Variants in SEMA5B observed in about 807,000 individuals in gnomAD.
SEMA5B encodes semaphorin-5B.
In SEMA5B, 66 loss-of-function variants were observed where a neutral mutation model predicts 135.0. That is an observed-to-expected ratio of 0.49 (90% CI 0.40 to 0.60). The LOEUF is 0.60. Ranked by LOEUF, SEMA5B falls within the 20% of genes least tolerant of loss-of-function variation. The pLI is 0.00. For missense variants in SEMA5B, 1,501 were observed against 1,566.3 expected (o/e 0.96, Z 0.70); for synonymous variants, 690 against 639.5 (o/e 1.08, Z -1.19).
At chr3:123,012,000 C>T (rs1942446926) in intron 1 of SEMA5B, among the ~76,000 whole-genome samples, 1 of 152,216 alleles carries the variant, frequency 6.6e-6, no homozygotes, top group South Asian at 2.1e-4. Context: ...CTCTGTCTGG[C>T]ACTGTGCTCC....
chr3:122,984,651 G>T (rs896303293), intron 1 of SEMA5B, among the ~76,000 whole-genome samples: 1 of 152,036 alleles, frequency 6.6e-6, no homozygotes, highest in Non-Finnish European at 1.5e-5. Context: ...TAATGGGTAC[G>T]CTAGAAGCCC....
chr3:123,021,349 G>A (rs920038322), intron 1 of SEMA5B, among the ~76,000 whole-genome samples: 23 of 152,330 alleles, frequency 1.5e-4, no homozygotes, highest in Admixed American at 5.2e-4. Context: ...TCCCCCAGGC[G>A]CCTTGAGGGA....
At position 122,928,469 on chromosome 3, in the gene SEMA5B, C is replaced by A. The variant is rs747277386; in HGVS notation, c.636+48G>T. 1.3e-5 allele frequency: 19 copies of A among 1,445,536 alleles called. No homozygotes were observed. The African/African-American group carries it at 2.1e-4, about 16-fold the overall frequency. 89.5% of individuals were successfully genotyped at this position (1,445,536 alleles called of 1,614,324 possible). ...AAGGCTGTGTGCCTAGGCAGGAGAA[C>A]CCCCGGCATGGTGCCCCCTTCAGTC... is the stretch of plus-strand genomic sequence containing the variant. On this transcript the variant is annotated intron_variant, in intron 7 of 22. Coordinates refer to ENST00000357599, the MANE Select transcript of SEMA5B (RefSeq NM_001031702.4).
chr3:122,927,290 C>T (rs1015035157), intron 8 of SEMA5B, among the ~76,000 whole-genome samples: 1 of 152,182 alleles, frequency 6.6e-6, no homozygotes, highest in Admixed American at 6.5e-5. Flanking sequence ...AGGCTCAGGG[C>T]ATCCTATCAC....
intron 7 of SEMA5B, 31 bp downstream of exon 7, chr3:122,928,486 C>G: frequency 1.3e-6 from 2 of 1,512,234 alleles, no homozygotes; most frequent in East Asian, 4.9e-5. Flanking sequence ...CATGGTGCCC[C>G]CTTCAGTCTC....
Position 122,922,454 on chromosome 3 carries a change from C to G in SEMA5B, c.1273-7G>C. ...TCTCAGGCAGGGTGCCACACTGCCG[C>G]GGGGAGCCAGGTCACGCGCGCCCCG... On this transcript the variant is annotated splice_polypyrimidine_tract_variant and splice_region_variant and intron_variant, in intron 10 of 22. Transcript: ENST00000357599. 6.3e-7 allele frequency: 1 copy of G among 1,586,042 alleles called. No individual in the cohort carries two copies. Among genetic ancestry groups the G allele is most frequent in the Non-Finnish European group, 8.6e-7 (1 of 1,167,130 alleles).
rs374288167 is a variant in SEMA5B at position 123,013,976 on chromosome 3, G to T, written c.-39+13488C>A. On this transcript the variant is annotated intron_variant, in intron 1 of 22. Transcript: ENST00000357599. ...AAGGAAACGGTGAGAGGAGCTTTGG[G>T]CACAGGAGGGCCAAGCCGGAGGCTG... 5.8e-4 allele frequency among the ~76,000 whole-genome samples: 89 copies of T among 152,334 alleles called. 1 individual carries two copies. The East Asian group carries it at 0.014, about 23-fold the overall frequency.
chr3:122,986,895 T>C (rs1941717224), intron 1 of SEMA5B, among the ~76,000 whole-genome samples: 1 of 152,118 alleles, frequency 6.6e-6, no homozygotes, highest in Non-Finnish European at 1.5e-5. Flanking sequence ...AACATGAGTT[T>C]AGGAGGGCCC....
At position 122,913,289 on chromosome 3, in the gene SEMA5B, G is replaced by C; in HGVS notation, c.2416C>G (p.Leu806Val). Residue 806 changes from leucine to valine, a missense_variant, in exon 17 of 23, where the codon CTT (leucine) becomes GTT (valine). This residue lies in a region of SEMA5B where 927 missense variants were observed against 881.6 expected (regional missense o/e 1.05). Coordinates refer to ENST00000357599, the MANE Select transcript of SEMA5B (RefSeq NM_001031702.4). The part of the protein sequence containing the change: ...QRFRFTCRAP[L>V]ADPHGLQFGR... ...AACTGCAGGCCGTGCGGGTCTGCAA[G>C]GGGCGCGCGGCAGGTGAAGCGGAAC... The C allele has an allele frequency of 1.3e-6, 2 of 1,582,460 alleles. No individual in the cohort carries two copies. The highest frequency in any genetic ancestry group is 8.5e-7 in the Non-Finnish European group (1 of 1,172,856).
At chr3:123,012,788 C>T (rs994820900) in intron 1 of SEMA5B, among the ~76,000 whole-genome samples, 1 of 152,180 alleles carries the variant, frequency 6.6e-6, no homozygotes, top group Non-Finnish European at 1.5e-5. Flanking sequence ...TCCTTCCACC[C>T]CAGTCCTAGA....
At chr3:122,911,586 G>T (rs768381272) in intron 20 of SEMA5B, 51 bp from the exon 21 acceptor site, 1 of 1,563,518 alleles carries the variant, frequency 6.4e-7, no homozygotes, top group Non-Finnish European at 8.7e-7. Context: ...GAGAGGAGGG[G>T]GGCCCTGCAG....
At chr3:122,936,600 A>T (rs1939297895) in intron 5 of SEMA5B, among the ~76,000 whole-genome samples, 1 of 152,212 alleles carries the variant, frequency 6.6e-6, no homozygotes, top group South Asian at 2.1e-4. Flanking sequence ...CGTCCCATGG[A>T]ACTGTTCTGG....
At chr3:122,932,207 A>G in intron 5 of SEMA5B, among the ~76,000 whole-genome samples, 1 of 148,980 alleles carries the variant, frequency 6.7e-6, no homozygotes, top group Non-Finnish European at 1.5e-5. Context: ...ATTTTCCCCA[A>G]ATGTCCAACA....
chr3:122,980,409 G>A (rs139608024), intron 1 of SEMA5B, among the ~76,000 whole-genome samples: 4,932 of 150,690 alleles, frequency 0.033, 293 homozygotes, highest in East Asian at 0.24. Flanking sequence ...GTGGTGAGCC[G>A]AGATCGTGCC....
intron 1 of SEMA5B, among the ~76,000 whole-genome samples, chr3:122,978,575 C>G (rs910768183): frequency 6.6e-6 from 1 of 152,006 alleles, no homozygotes; most frequent in Non-Finnish European, 1.5e-5. Context: ...ATGACAGGGT[C>G]TGGGCAGAAA....
intron 1 of SEMA5B, among the ~76,000 whole-genome samples, chr3:123,025,797 C>A (rs765923019): frequency 6.6e-6 from 1 of 152,210 alleles, no homozygotes; most frequent in Non-Finnish European, 1.5e-5. Flanking sequence ...GTGGCAAGTT[C>A]CCCCATCTCT....
In SEMA5B at chr3:122,968,800, A is replaced by G. The variant is rs1029645809; in HGVS notation, c.-38-7499T>C. 6.0e-5 allele frequency among the ~76,000 whole-genome samples: 9 copies of G among 151,024 alleles called. No individual in the cohort carries two copies. The East Asian group carries it at 1.6e-3, about 27-fold the overall frequency. On this transcript the variant is annotated intron_variant, in intron 1 of 22. Coordinates refer to ENST00000357599, the MANE Select transcript of SEMA5B (RefSeq NM_001031702.4). Reference sequence around the variant, plus strand: ...CCCATCACTGTCAGGACATTCTTACATCTTTTCTGCCACATGAGCCAACAT... The same window carrying G: ...CCCATCACTGTCAGGACATTCTTACGTCTTTTCTGCCACATGAGCCAACAT...
intron 1 of SEMA5B, among the ~76,000 whole-genome samples, chr3:123,017,886 C>A (rs761681714): frequency 6.8e-6 from 1 of 147,914 alleles, no homozygotes; most frequent in South Asian, 2.2e-4. Context: ...CCAGCCTGGG[C>A]GACAGAGTGA....
At chr3:122,978,851 G>A (rs1941425861) in intron 1 of SEMA5B, among the ~76,000 whole-genome samples, 2 of 152,110 alleles carry the variant, frequency 1.3e-5, no homozygotes, top group Non-Finnish European at 2.9e-5. Flanking sequence ...ACTATTCCAG[G>A]CCCCTTTTAC....
Sources: gnomAD v4.1 joint callset for allele counts (sites outside exome capture counted in the v4.1 genomes callset) on GRCh38, gnomAD v4.1.1 for gene constraint, gnomAD v4.1.1 regional missense constraint, MANE v1.5 for transcripts, NCBI Gene and HGNC (gene_info 2026-07-23, HGNC 2026-07-21) for gene names.